CRACDL: variants seen among roughly 807,000 people sequenced by gnomAD.
The protein encoded by CRACDL is CRACD-like protein.
In CRACDL, 26 loss-of-function variants were observed where a neutral mutation model predicts 70.6. That is an observed-to-expected ratio of 0.37 (90% CI 0.27 to 0.51). CRACDL has a LOEUF of 0.51. Ranked by LOEUF, CRACDL falls within the 20% of genes least tolerant of loss-of-function variation. The pLI, the probability that CRACDL is intolerant of heterozygous loss-of-function variation, is 0.94. For missense variants in CRACDL, 1,283 were observed against 1,376.9 expected (o/e 0.93, Z 1.08); for synonymous variants, 618 against 615.2 (o/e 1.00, Z -0.07).
At chr2:98,906,923 A>G (rs1018851960) in intron 1 of CRACDL, among the ~76,000 whole-genome samples, 1 of 152,106 alleles carries the variant, frequency 6.6e-6, no homozygotes, top group Admixed American at 6.5e-5. Context: ...CTTATTCCTA[A>G]TGTATGACGT....
intron 1 of CRACDL, among the ~76,000 whole-genome samples, chr2:98,881,176 T>C (rs1219201906): frequency 6.6e-6 from 1 of 152,166 alleles, no homozygotes; most frequent in African/African-American, 2.4e-5. Flanking sequence ...TCTGTGATGG[T>C]GAGCATGGTC....
intron 1 of CRACDL, among the ~76,000 whole-genome samples, chr2:98,908,195 T>G (rs1249825729): frequency 6.6e-6 from 1 of 152,242 alleles, no homozygotes; most frequent in Admixed American, 6.5e-5. Flanking sequence ...GTAGACGGAC[T>G]GGCTGTCTCA....
chr2:98,858,334 G>A (rs946109126), intron 1 of CRACDL, among the ~76,000 whole-genome samples: 1 of 152,120 alleles, frequency 6.6e-6, no homozygotes, highest in Non-Finnish European at 1.5e-5. Context: ...GGCCAACATG[G>A]TGAAACCCCA....
intron 1 of CRACDL, among the ~76,000 whole-genome samples, chr2:98,881,628 A>G (rs1193622573): frequency 6.6e-6 from 1 of 152,190 alleles, no homozygotes; most frequent in Non-Finnish European, 1.5e-5. Flanking sequence ...CCCTCGTGTC[A>G]TCAGGGGAGC....
intron 1 of CRACDL, 89 bp downstream of exon 1, chr2:98,935,849 C>A (rs1709193348): frequency 6.6e-6 from 1 of 152,242 alleles, no homozygotes; most frequent in Non-Finnish European, 1.5e-5. Flanking sequence ...AGCCCCGGCC[C>A]GCCCCACCTC....
At chr2:98,796,411 C>T (rs780123334) in intron 8 of CRACDL, 147 bp from the exon 9 acceptor site, 40 of 724,868 alleles carry the variant, frequency 5.5e-5, no homozygotes, top group Non-Finnish European at 8.3e-5. Flanking sequence ...TGTCAGCTCA[C>T]TAACACCGAG....
intron 1 of CRACDL, among the ~76,000 whole-genome samples, chr2:98,878,037 C>T (rs1216507347): frequency 6.6e-6 from 1 of 151,904 alleles, no homozygotes; most frequent in Non-Finnish European, 1.5e-5. Flanking sequence ...ACCTCTGCCC[C>T]CCAGGTTCAA....
At chr2:98,849,221 G>A (rs533624093) in intron 1 of CRACDL, among the ~76,000 whole-genome samples, 10 of 152,354 alleles carry the variant, frequency 6.6e-5, no homozygotes, top group African/African-American at 2.2e-4. Flanking sequence ...ATCATGCACT[G>A]GGTCTGATGG....
chr2:98,854,567 A>C (rs528149686), intron 1 of CRACDL, among the ~76,000 whole-genome samples: 1 of 152,264 alleles, frequency 6.6e-6, no homozygotes, highest in Non-Finnish European at 1.5e-5. Flanking sequence ...TATTCGTAAA[A>C]AATATCTTAC....
At chr2:98,897,913 G>T (rs183988303) in intron 1 of CRACDL, among the ~76,000 whole-genome samples, 69 of 152,332 alleles carry the variant, frequency 4.5e-4, no homozygotes, top group African/African-American at 1.6e-3. Flanking sequence ...AGGTTCAGCG[G>T]CTGGCTTATT....
intron 1 of CRACDL, among the ~76,000 whole-genome samples, chr2:98,906,279 T>C (rs1708413096): frequency 6.6e-6 from 1 of 151,560 alleles, no homozygotes. Context: ...TTTTTTTTGT[T>C]TGAGACAGAG....
In CRACDL at chr2:98,799,011, A is replaced by G. The variant is rs563419618; in HGVS notation, c.2417-1474T>C. ...TAAGTGGCTTCTTACAGGTACATCA[A>G]AAGCATAGAACCCAAGGTTCCCCAT... On this transcript the variant is annotated intron_variant, in intron 7 of 9. Transcript: ENST00000397899. Among the ~76,000 whole-genome samples, 3 of 152,164 alleles carry G rather than the reference A, an allele frequency of 2.0e-5. No homozygotes were observed. In the South Asian group the frequency reaches 6.2e-4, roughly 32 times the overall value.
intron 1 of CRACDL, among the ~76,000 whole-genome samples, chr2:98,851,804 A>G (rs1002245875): frequency 6.6e-6 from 1 of 152,216 alleles, no homozygotes; most frequent in East Asian, 1.9e-4. Context: ...ACCACAGTAA[A>G]ACTTTCCACT....
intron 2 of CRACDL, 94 bp from the exon 3 acceptor site, chr2:98,838,381 G>A (rs1288943068): frequency 4.4e-6 from 3 of 686,506 alleles, no homozygotes; most frequent in Non-Finnish European, 6.9e-6. Context: ...GAGAAAGCAA[G>A]ATTTCCATCC....
chr2:98,863,806 G>A (rs1192369985), intron 1 of CRACDL, among the ~76,000 whole-genome samples: 1 of 152,118 alleles, frequency 6.6e-6, no homozygotes, highest in African/African-American at 2.4e-5. Flanking sequence ...GAAGCACCTG[G>A]AATTATTAGT....
At chr2:98,902,871 C>T (rs1708316175) in intron 1 of CRACDL, among the ~76,000 whole-genome samples, 1 of 152,150 alleles carries the variant, frequency 6.6e-6, no homozygotes, top group Non-Finnish European at 1.5e-5. Flanking sequence ...CCCCAGAAAA[C>T]ATGCCCCCAC....
chr2:98,794,568 A>G lies in CRACDL; in HGVS notation c.2853T>C (p.Ser951=). Residue 951 remains serine (S), a synonymous_variant, in exon 10 of 10, where the codon TCT becomes TCC. Coordinates refer to ENST00000397899, the MANE Select transcript of CRACDL (RefSeq NM_207362.3). The part of the protein sequence containing the change: ...PSWMELARKK[S]QAWSDMPQII... ...TCTGGGGCATGTCACTCCAAGCTTG[A>G]GATTTCTTTCTGGCAAGTTCCATCC... The G allele has an allele frequency of 6.2e-7, 1 of 1,614,060 alleles. No individual in the cohort carries two copies. Among genetic ancestry groups the G allele is most frequent in the South Asian group, 1.1e-5 (1 of 91,080 alleles).
Position 98,891,376 on chromosome 2 carries a change from CAAAAAAAAAAA to C in CRACDL, c.-11+44551_-11+44561del, listed in dbSNP as rs548988640. 1.9e-3 allele frequency among the ~76,000 whole-genome samples: 71 copies of C among 37,902 alleles called. 2 individuals carry two copies. Among genetic ancestry groups the C allele is most frequent in the East Asian group, 7.3e-3 (12 of 1,636 alleles). The allele number at this position is 37,902 out of a possible 152,430, so 24.9% of individuals were successfully genotyped here. On this transcript the variant is annotated intron_variant, in intron 1 of 9. Transcript: ENST00000397899. Reference sequence around the variant, plus strand: ...TGGGTGACAGAGGGAGACTCCGTCTCAAAAAAAAAAAAAAAAAAAAAAAAAAAAATCCAAAC... The same window carrying C: ...TGGGTGACAGAGGGAGACTCCGTCTCAAAAAAAAAAAAAAAAAATCCAAAC...
rs141626544 is a variant in CRACDL, at chr2:98,876,786, C to A, written c.-10-29976G>T. Among the ~76,000 whole-genome samples, 881 of 152,296 alleles carry A rather than the reference C, an allele frequency of 5.8e-3. 8 individuals are homozygous for A. Among genetic ancestry groups the A allele is most frequent in the Non-Finnish European group, 7.2e-3 (490 of 68,028 alleles). On this transcript the variant is annotated intron_variant, in intron 1 of 9. Transcript: ENST00000397899. ...GTTTCCCTACTGAACAAGGCTTTTG[C>A]CCTAAGACTGTGAGCCTGTGAAGGA...
Sources: gnomAD v4.1 joint callset for allele counts (sites outside exome capture counted in the v4.1 genomes callset) on GRCh38, gnomAD v4.1.1 for gene constraint, MANE v1.5 for transcripts, NCBI Gene and HGNC (gene_info 2026-07-23, HGNC 2026-07-21) for gene names.